The following CRHR2 variants were observed in gnomAD, a reference collection of about 807,000 sequenced individuals.
CRHR2 encodes the protein corticotropin releasing hormone receptor 2.
In CRHR2, 53 loss-of-function variants were observed where a neutral mutation model predicts 57.9. The observed-to-expected ratio is 0.92, with a 90% CI of 0.73 to 1.15. The LOEUF is 1.15. Among genes scored for constraint, CRHR2 ranks in the 50% most tolerant of loss-of-function variants. The probability of loss-of-function intolerance (pLI) is 0.00; values close to 1 mark genes in which losing one functional copy is unlikely to be tolerated. For synonymous variants in CRHR2, 213 were observed against 220.9 expected (o/e 0.96, Z 0.32); for missense variants, 532 against 542.6 (o/e 0.98, Z 0.19).
intron 8 of CRHR2, among the ~76,000 whole-genome samples, chr7:30,657,203 G>C (rs1387705854): frequency 6.6e-6 from 1 of 152,162 alleles, no homozygotes; most frequent in East Asian, 1.9e-4. Context: ...TGGGAGAGGA[G>C]GGACACAGGA....
chr7:30,659,521 G>C (rs1211670137), intron 8 of CRHR2, among the ~76,000 whole-genome samples: 1 of 152,144 alleles, frequency 6.6e-6, no homozygotes, highest in Non-Finnish European at 1.5e-5. Context: ...CTGCAGCTGG[G>C]AGTCCAAGGA....
chr7:30,686,931 G>C (rs1349276023), upstream of CRHR2, among the ~76,000 whole-genome samples: 3 of 151,994 alleles, frequency 2.0e-5, no homozygotes, highest in African/African-American at 7.3e-5. Context: ...ATTTTATTTA[G>C]TCTTTTTATT....
intron 6 of CRHR2, among the ~76,000 whole-genome samples, chr7:30,662,483 T>A (rs1009528604): frequency 6.6e-6 from 1 of 152,210 alleles, no homozygotes; most frequent in Non-Finnish European, 1.5e-5. Context: ...AGGTCCTTCC[T>A]GGCAGGGGGA....
At chr7:30,678,913 G>A (rs1386688427) in intron 2 of CRHR2, among the ~76,000 whole-genome samples, 1 of 152,192 alleles carries the variant, frequency 6.6e-6, no homozygotes, top group Non-Finnish European at 1.5e-5. Context: ...AGAGGACAGT[G>A]TGCTCCCAAA....
In CRHR2 at chr7:30,655,045, A is replaced by G. The variant is rs1425520934; in HGVS notation, c.1089T>C (p.Asn363=). The G allele has an allele frequency of 3.7e-6, 6 of 1,613,280 alleles. No homozygotes were observed. The highest frequency in any genetic ancestry group is 2.5e-6 in the Non-Finnish European group (3 of 1,179,632). Residue 363 remains asparagine, a synonymous_variant, in exon 11 of 12, where the codon AAT becomes AAC. Transcript: ENST00000471646. ...FFVSVFYCFF[N]GEVRSAVRKR... ...CGAGGGCCCAGCTTCATACCTCTCC[A>G]TTGAAGAAGCAGTAGAAGACAGACA...
At chr7:30,694,862 AAGG>A (rs1254727040) in intron 1 of CRHR2, among the ~76,000 whole-genome samples, 1 of 140,792 alleles carries the variant, frequency 7.1e-6, no homozygotes, top group African/African-American at 2.8e-5. Context: ...GAAGGGAAGA[AAGG>A]AGGAAGGAGG....
At chr7:30,692,134 C>T (rs775306217) in intron 1 of CRHR2, among the ~76,000 whole-genome samples, 23 of 152,150 alleles carry the variant, frequency 1.5e-4, no homozygotes, top group Admixed American at 5.2e-4. Flanking sequence ...GTGCATTCAA[C>T]AAATTACTGT....
chr7:30,660,000 C>T (rs1239504814), intron 8 of CRHR2, among the ~76,000 whole-genome samples: 2 of 152,182 alleles, frequency 1.3e-5, no homozygotes, highest in African/African-American at 4.8e-5. Flanking sequence ...AATGCAGCCT[C>T]TACTTGAACT....
In CRHR2 at chr7:30,669,192, G is replaced by A. The variant is rs77416342; in HGVS notation, c.230-1879C>T. Among the ~76,000 whole-genome samples the A allele has an allele frequency of 8.2e-3, 1,242 of 152,298 alleles. 13 individuals are homozygous for A. The highest frequency in any genetic ancestry group is 0.028 in the African/African-American group (1,172 of 41,558). On this transcript the variant is annotated intron_variant, in intron 2 of 11. Transcript: ENST00000471646. The stretch of plus-strand genomic sequence containing the variant: ...AAAATTTATCTTCTATATGTTCATA[G>A]ATATTATCCAGCTTTCCTGAAGCTC...
At chr7:30,657,083 T>TCACACACACA (rs55909312) in intron 8 of CRHR2, among the ~76,000 whole-genome samples, 4 of 145,522 alleles carry the variant, frequency 2.7e-5, no homozygotes, top group African/African-American at 1.0e-4. Context: ...ACACACCCAC[T>TCACACACACA]CACACACACA....
At chr7:30,690,082 C>T (rs1465327541) in intron 1 of CRHR2, among the ~76,000 whole-genome samples, 1 of 152,182 alleles carries the variant, frequency 6.6e-6, no homozygotes, top group African/African-American at 2.4e-5. Flanking sequence ...GCTGGATGTG[C>T]ACGGATAAAG....
At chr7:30,677,451 C>T (rs909345755) in intron 2 of CRHR2, among the ~76,000 whole-genome samples, 1 of 152,198 alleles carries the variant, frequency 6.6e-6, no homozygotes, top group African/African-American at 2.4e-5. Context: ...TTTCGGCCTA[C>T]AGACAGGGAG....
chr7:30,667,221 C>A lies in CRHR2; in HGVS notation c.315+7G>T, dbSNP rs759335201. ...GCCTGGGGTCACAGCAGGTGAGGGC[C>A]ACTCACCTTGTCATCCAAAATGGGC... On this transcript the variant is annotated splice_region_variant and intron_variant, in intron 3 of 11. Transcript: ENST00000471646. 6.2e-7 allele frequency: 1 copy of A among 1,613,718 alleles called. No individual in the cohort carries two copies. The highest frequency in any genetic ancestry group is 1.1e-5 in the South Asian group (1 of 91,072).
At chr7:30,659,262 G>A (rs539637968) in intron 8 of CRHR2, among the ~76,000 whole-genome samples, 3 of 152,206 alleles carry the variant, frequency 2.0e-5, no homozygotes, top group Non-Finnish European at 4.4e-5. Flanking sequence ...GAAGCATGGA[G>A]CTGGGTCTTG....
upstream of CRHR2, chr7:30,686,599 A>C (rs1309204796): frequency 7.6e-7 from 1 of 1,307,818 alleles, no homozygotes; most frequent in Non-Finnish European, 1.1e-6. Context: ...GCTTGAGCAC[A>C]GGAATTCAAG....
chr7:30,696,426 A>G (rs1785058108), intron 1 of CRHR2, among the ~76,000 whole-genome samples: 1 of 152,222 alleles, frequency 6.6e-6, no homozygotes. Context: ...ACAAAAATTA[A>G]AAATAAAAAT....
intron 1 of CRHR2, chr7:30,699,602 G>C (rs995431519): frequency 5.6e-6 from 1 of 178,530 alleles, no homozygotes; most frequent in Non-Finnish European, 1.2e-5. Flanking sequence ...AGGTAGTCAA[G>C]TTCTGGATGC....
intron 1 of CRHR2, chr7:30,699,840 C>T (rs1047119232): frequency 1.2e-6 from 1 of 823,024 alleles, no homozygotes; most frequent in Non-Finnish European, 1.8e-6. Flanking sequence ...GATCCCCGAT[C>T]CAGCCCAGCC....
Position 30,689,189 on chromosome 7 carries a change from A to T in CRHR2, c.-167+2T>A, listed in dbSNP as rs754414905. The T allele has an allele frequency of 1.3e-6, 2 of 1,549,684 alleles. No individual in the cohort carries two copies. Among genetic ancestry groups the T allele is most frequent in the South Asian group, 2.4e-5 (2 of 84,052 alleles). On this transcript the variant is annotated splice_donor_variant, in intron 2 of 13. Transcript: ENST00000341843. LOFTEE classifies it low-confidence loss of function (5UTR_SPLICE). ...TGCAGGGTGGTGGCAGAGGGTACCT[A>T]CCTGAGAGGTTGGTGAGGGTCATGA...
Sources: allele counts gnomAD v4.1 joint callset (sites outside exome capture counted in the v4.1 genomes callset), GRCh38; gene constraint gnomAD v4.1.1; transcripts MANE v1.5; gene names NCBI Gene and HGNC (gene_info 2026-07-23, HGNC 2026-07-21).